The following MAML2 variants were observed in gnomAD, a reference collection of about 807,000 sequenced individuals.
MAML2 encodes mastermind-like protein 2.
In MAML2, 22 loss-of-function variants were observed where a neutral mutation model predicts 96.1. The ratio of observed to expected loss-of-function variants is 0.23; its 90% confidence interval spans 0.16 to 0.33. The LOEUF is 0.33. Among genes scored for constraint, MAML2 ranks in the 10% least tolerant of loss-of-function variants. MAML2 has a pLI of 1.00. For missense variants in MAML2, 1,367 were observed against 1,392.4 expected (o/e 0.98, Z 0.29); for synonymous variants, 561 against 521.3 (o/e 1.08, Z -1.04).
intron 2 of MAML2, among the ~76,000 whole-genome samples, chr11:96,087,480 A>G (rs1053817945): frequency 6.6e-6 from 1 of 152,236 alleles, no homozygotes; most frequent in Non-Finnish European, 1.5e-5. Context: ...CCTTTTGCCA[A>G]GAGTCAGCCA....
chr11:96,076,465 C>T (rs1859440729), intron 2 of MAML2, among the ~76,000 whole-genome samples: 1 of 142,812 alleles, frequency 7.0e-6, no homozygotes, highest in Admixed American at 7.2e-5. Context: ...CACACACACA[C>T]ACACACACAG....
chr11:96,022,078 GCCTAGGGCTGGCAC>G (rs1477409103), intron 2 of MAML2, among the ~76,000 whole-genome samples: 1 of 152,174 alleles, frequency 6.6e-6, no homozygotes, highest in Non-Finnish European at 1.5e-5. Context: ...GAGCTGCCTT[GCCTAGGGCTGGCAC>G]CCTAGGGCTG....
intron 2 of MAML2, among the ~76,000 whole-genome samples, chr11:96,051,953 C>T (rs1362868298): frequency 6.6e-6 from 1 of 152,178 alleles, no homozygotes; most frequent in Non-Finnish European, 1.5e-5. Flanking sequence ...TGTATGTCTT[C>T]AAGGATTCCG....
At chr11:95,980,216 T>C (rs11824641) in intron 4 of MAML2, among the ~76,000 whole-genome samples, 27,780 of 152,102 alleles carry the variant, frequency 0.18, 4,151 homozygotes, top group African/African-American at 0.41. Flanking sequence ...TCTTGTAGGT[T>C]TTATTTTATT....
chr11:96,328,261 G>C (rs1483385645), intron 1 of MAML2, among the ~76,000 whole-genome samples: 1 of 152,106 alleles, frequency 6.6e-6, no homozygotes, highest in East Asian at 1.9e-4. Flanking sequence ...AAAAAGAAAA[G>C]CCATGTTGCA....
At chr11:96,010,514 G>A (rs1468181059) in intron 2 of MAML2, among the ~76,000 whole-genome samples, 4 of 152,170 alleles carry the variant, frequency 2.6e-5, no homozygotes, top group Non-Finnish European at 5.9e-5. Flanking sequence ...GGCATAGGAT[G>A]CTGACAGAGG....
At chr11:95,994,906 C>G (rs1565184046) in intron 2 of MAML2, among the ~76,000 whole-genome samples, 1 of 152,062 alleles carries the variant, frequency 6.6e-6, no homozygotes, top group Non-Finnish European at 1.5e-5. Flanking sequence ...TGGTTCATAC[C>G]CCAGTTCTGA....
intron 1 of MAML2, among the ~76,000 whole-genome samples, chr11:96,250,226 A>G (rs1862564474): frequency 6.6e-6 from 1 of 151,702 alleles, no homozygotes; most frequent in Non-Finnish European, 1.5e-5. Context: ...TTTCTTTTTT[A>G]TTTAAAAAAA....
intron 2 of MAML2, among the ~76,000 whole-genome samples, chr11:96,086,330 A>G (rs2135803861): frequency 6.6e-6 from 1 of 152,342 alleles, no homozygotes; most frequent in East Asian, 1.9e-4. Flanking sequence ...GTAATCCTGA[A>G]AAGATTCTTA....
intron 2 of MAML2, among the ~76,000 whole-genome samples, chr11:96,048,371 C>T (rs956036769): frequency 3.9e-5 from 6 of 151,934 alleles, no homozygotes; most frequent in Admixed American, 2.6e-4. Context: ...ATGTTCATTC[C>T]CAATGTTTAT....
rs1017508959 is a variant in MAML2, at chr11:96,091,878, A to G, written c.2139+14T>C. ...TCTCTGGGAACTCTGTATTTGGAGTAGTAGAGCCCTTACCTGTCTCTGTTG... is the reference window on the plus strand; with the variant it reads ...TCTCTGGGAACTCTGTATTTGGAGTGGTAGAGCCCTTACCTGTCTCTGTTG... On this transcript the variant is annotated intron_variant, in intron 2 of 4. Coordinates refer to ENST00000524717, the MANE Select transcript of MAML2 (RefSeq NM_032427.4). The G allele has an allele frequency of 6.2e-6, 10 of 1,607,712 alleles. No homozygotes were observed. Among genetic ancestry groups the G allele is most frequent in the Admixed American group, 1.7e-5 (1 of 59,716 alleles).
At chr11:96,143,869 T>C (rs1299498372) in intron 1 of MAML2, among the ~76,000 whole-genome samples, 1 of 152,196 alleles carries the variant, frequency 6.6e-6, no homozygotes, top group Non-Finnish European at 1.5e-5. Flanking sequence ...TCTCTAATTA[T>C]AGCTGGGGGA....
At chr11:96,183,393 T>TTCCC (rs1861519632) in intron 1 of MAML2, among the ~76,000 whole-genome samples, 1 of 81,898 alleles carries the variant, frequency 1.2e-5, no homozygotes, top group African/African-American at 5.0e-5. Flanking sequence ...CCTCCGTTCC[T>TTCCC]CCCCCCCCCC....
intron 1 of MAML2, among the ~76,000 whole-genome samples, chr11:96,128,674 TA>T (rs558522673): frequency 6.6e-6 from 1 of 152,278 alleles, no homozygotes; most frequent in African/African-American, 2.4e-5. Context: ...AATTTACAAT[TA>T]CCACTCTTCA....
At chr11:96,339,682 A>T (rs1863966395) in intron 1 of MAML2, among the ~76,000 whole-genome samples, 1 of 152,232 alleles carries the variant, frequency 6.6e-6, no homozygotes, top group Admixed American at 6.5e-5. Context: ...GGAGACTTGC[A>T]GACAGATTAT....
At chr11:96,193,350 C>T (rs1261342585) in intron 1 of MAML2, among the ~76,000 whole-genome samples, 2 of 152,152 alleles carry the variant, frequency 1.3e-5, no homozygotes, top group Non-Finnish European at 2.9e-5. Flanking sequence ...GCCTGGGCGA[C>T]AGGGCGAGAC....
At chr11:96,259,126 T>C (rs1487731455) in intron 1 of MAML2, among the ~76,000 whole-genome samples, 2 of 152,248 alleles carry the variant, frequency 1.3e-5, no homozygotes, top group East Asian at 3.8e-4. Flanking sequence ...CTTCTTTAGG[T>C]AACTCTGCTT....
chr11:96,112,360 G>C (rs914400384), intron 1 of MAML2, among the ~76,000 whole-genome samples: 4 of 152,252 alleles, frequency 2.6e-5, no homozygotes, highest in African/African-American at 9.6e-5. Flanking sequence ...GCATGACCTG[G>C]GGCAGTGTCC....
intron 1 of MAML2, among the ~76,000 whole-genome samples, chr11:96,182,946 T>C (rs3016487): frequency 2.1e-5 from 3 of 141,266 alleles, no homozygotes; most frequent in African/African-American, 7.8e-5. Context: ...TTCTTGGACA[T>C]CCTTTCTTTT....
Sources: allele counts gnomAD v4.1 joint callset (sites outside exome capture counted in the v4.1 genomes callset), GRCh38; gene constraint gnomAD v4.1.1; transcripts MANE v1.5; gene names NCBI Gene and HGNC (gene_info 2026-07-23, HGNC 2026-07-21).